SEC14L1: variants seen among roughly 807,000 people sequenced by gnomAD.
SEC14L1 encodes the protein SEC14 like lipid binding 1.
A neutral mutation model predicts 85.3 loss-of-function variants in SEC14L1; 48 were observed. The observed-to-expected ratio is 0.56, with a 90% CI of 0.45 to 0.72. SEC14L1 has a LOEUF of 0.72. Among genes scored for constraint, SEC14L1 ranks in the 30% least tolerant of loss-of-function variants. The pLI is 0.00. For synonymous variants in SEC14L1, 391 were observed against 355.5 expected (o/e 1.10, Z -1.12); for missense variants, 682 against 921.4 (o/e 0.74, Z 3.36).
chr17:77,113,697 A>G (rs1036202650), intron 3 of SEC14L1, among the ~76,000 whole-genome samples: 2 of 152,060 alleles, frequency 1.3e-5, no homozygotes, highest in Non-Finnish European at 2.9e-5. Flanking sequence ...TATGAGCCGA[A>G]ATTGCGCCAC....
chr17:77,093,742 G>A (rs1971572751), intron 3 of SEC14L1: 1 of 152,266 alleles, frequency 6.6e-6, no homozygotes, highest in African/African-American at 2.4e-5. Flanking sequence ...CACTGAAGAT[G>A]ACCATGCCTC....
chr17:77,104,038 C>T (rs1014503153), intron 3 of SEC14L1, among the ~76,000 whole-genome samples: 10 of 151,928 alleles, frequency 6.6e-5, no homozygotes, highest in South Asian at 2.1e-4. Context: ...CTCTTCCCAC[C>T]GTAAAGTAGG....
chr17:77,123,845 G>A (rs937630823), intron 3 of SEC14L1, among the ~76,000 whole-genome samples: 3 of 152,196 alleles, frequency 2.0e-5, no homozygotes, highest in Non-Finnish European at 2.9e-5. Context: ...TGGGGCCTTG[G>A]GAAGGAAGAT....
At chr17:77,211,839 C>A in intron 14 of SEC14L1, 111 bp from the exon 15 acceptor site, 1 of 1,407,150 alleles carries the variant, frequency 7.1e-7, no homozygotes, top group Non-Finnish European at 9.7e-7. Context: ...CAGCGTTTCC[C>A]TCCCCAGCTT....
At chr17:77,196,406 C>A (rs1975809117) in intron 8 of SEC14L1, 95 bp downstream of exon 8, 1 of 704,346 alleles carries the variant, frequency 1.4e-6, no homozygotes, top group Admixed American at 3.0e-5. Flanking sequence ...ATATTCCCAA[C>A]TTCCACGGCT....
chr17:77,126,171 G>A (rs1002665250), intron 3 of SEC14L1, among the ~76,000 whole-genome samples: 3 of 152,170 alleles, frequency 2.0e-5, no homozygotes, highest in African/African-American at 4.8e-5. Context: ...AGGAATGGGA[G>A]TGCGATAGGA....
chr17:77,139,383 G>A (rs71384144), upstream of SEC14L1, among the ~76,000 whole-genome samples: 361 of 152,124 alleles, frequency 2.4e-3, 1 homozygote, highest in Middle Eastern at 0.014. Flanking sequence ...TGTTGACCAG[G>A]ATGGTCTCAA....
At chr17:77,116,271 A>G (rs7225999) in intron 3 of SEC14L1, among the ~76,000 whole-genome samples, 2,529 of 152,290 alleles carry the variant, frequency 0.017, 72 homozygotes, top group African/African-American at 0.058. Context: ...TAAACGTTTT[A>G]GGGGTCTTTG....
Position 77,203,656 on chromosome 17 carries a change from T to TA in SEC14L1, c.1097dup (p.Tyr366Ter), listed in dbSNP as rs1164561331. ...GCTCGGGGAGGAAGCCCTGCTGAGA[T>TA]ACGTAAGTGCGCGGCTGCGAGACTC... ...RALGEEALLR[Y>*]VLSINEEGLR... Residue 366 changes from tyrosine (Y) to a stop codon, truncating the protein, a stop_gained and frameshift_variant and splice_region_variant, in exon 10 of 17, where the codon TAC becomes TAAC. Transcript: ENST00000436233. LOFTEE classifies it high-confidence loss of function. 1.2e-6 allele frequency: 2 copies of TA among 1,612,280 alleles called. No homozygotes were observed. The highest frequency in any genetic ancestry group is 4.5e-5 in the East Asian group (2 of 44,834).
At chr17:77,193,697 T>C in intron 6 of SEC14L1, 148 bp downstream of exon 6, 1 of 819,000 alleles carries the variant, frequency 1.2e-6, no homozygotes, top group Non-Finnish European at 1.9e-6. Flanking sequence ...GCCTCATCTT[T>C]AGGTATAGGG....
chr17:77,187,309 G>T (rs1159908943), intron 3 of SEC14L1, among the ~76,000 whole-genome samples: 4 of 152,024 alleles, frequency 2.6e-5, no homozygotes, highest in African/African-American at 9.7e-5. Context: ...CGACCACAGG[G>T]GCAGGCACTG....
Position 77,092,572 on chromosome 17 carries a change from C to T in SEC14L1, c.-239-672C>T, listed in dbSNP as rs539366076. Among the ~76,000 whole-genome samples the T allele has an allele frequency of 4.6e-5, 7 of 152,204 alleles. No homozygotes were observed. The South Asian group carries it at 1.5e-3, about 32-fold the overall frequency. On this transcript the variant is annotated intron_variant, in intron 2 of 19. Coordinates refer to the SEC14L1 transcript ENST00000392476. The stretch of plus-strand genomic sequence containing the variant: ...AGGTTGATAACCAGGTTGTAGGGCC[C>T]TTGAATGTCAAAGTTCAAGTGGCTT...
rs560572036 is a variant in SEC14L1, at chr17:77,202,914, C to G, written c.1010-656C>G. ...AGCTTGGGTGACAGGGAGAGACTCT[C>G]TCTCTAAAAAAAATAAAAAAATAAA... On this transcript the variant is annotated intron_variant, in intron 9 of 16. Transcript: ENST00000436233. Among the ~76,000 whole-genome samples, 545 of 143,812 alleles carry G rather than the reference C, an allele frequency of 3.8e-3. 4 individuals are homozygous for G. Among genetic ancestry groups the G allele is most frequent in the African/African-American group, 0.014 (525 of 38,520 alleles). The allele number at this position is 143,812 out of a possible 152,430, so 94.3% of individuals were successfully genotyped here. A position where few individuals can be genotyped will look rare whatever the true frequency, so the allele number is the denominator to read the frequency against.
chr17:77,143,483 G>A, intron 2 of SEC14L1, 84 bp from the exon 3 acceptor site: 3 of 716,568 alleles, frequency 4.2e-6, no homozygotes, highest in Non-Finnish European at 2.4e-6. Context: ...TGTCGTTAGA[G>A]TGTGGTATGA....
intron 3 of SEC14L1, among the ~76,000 whole-genome samples, chr17:77,103,257 C>T (rs1166776740): frequency 1.3e-5 from 2 of 151,462 alleles, no homozygotes; most frequent in Admixed American, 1.3e-4. Flanking sequence ...GGATTACAGG[C>T]ACATGTGACC....
chr17:77,189,294 G>C (rs1217575079), intron 3 of SEC14L1, among the ~76,000 whole-genome samples: 2 of 152,166 alleles, frequency 1.3e-5, no homozygotes, highest in African/African-American at 4.8e-5. Context: ...CCCTTGTAAA[G>C]GTTAACGCAG....
intron 1 of SEC14L1, among the ~76,000 whole-genome samples, chr17:77,141,991 G>A (rs1339841487): frequency 6.6e-6 from 1 of 152,188 alleles, no homozygotes; most frequent in African/African-American, 2.4e-5. Flanking sequence ...TAATCAAGAT[G>A]AATATTAGAA....
chr17:77,126,287 G>A (rs1183061286), intron 3 of SEC14L1, among the ~76,000 whole-genome samples: 5 of 152,262 alleles, frequency 3.3e-5, no homozygotes, highest in African/African-American at 1.2e-4. Flanking sequence ...AATGGGCTGT[G>A]ATGAAGATCA....
rs1234336970 is a variant in SEC14L1 at position 77,145,091 on chromosome 17, GTGTA to G, written c.63+1440_63+1443del. On this transcript the variant is annotated intron_variant, in intron 3 of 16. Coordinates refer to ENST00000436233, the MANE Select transcript of SEC14L1 (RefSeq NM_001143998.2). ...ACCTGGCTAATTTGTGTGTGTGTGT[GTGTA>G]TGTATGTGTGTGTGTGTGTGTGTGT... 162 of 50,894 alleles carry G rather than the reference GTGTA, an allele frequency of 3.2e-3. 1 individual carries two copies. Among genetic ancestry groups the G allele is most frequent in the African/African-American group, 8.3e-3 (149 of 17,990 alleles). 3.2% of individuals were successfully genotyped at this position (50,894 alleles called of 1,614,324 possible). A position where few individuals can be genotyped will look rare whatever the true frequency, so the allele number is the denominator to read the frequency against.
Sources: allele counts gnomAD v4.1 joint callset (sites outside exome capture counted in the v4.1 genomes callset), GRCh38; gene constraint gnomAD v4.1.1; transcripts MANE v1.5; gene names NCBI Gene and HGNC (gene_info 2026-07-23, HGNC 2026-07-21).